The following TMCO1 variants were observed in gnomAD, a reference collection of about 807,000 sequenced individuals.
TMCO1 encodes the protein calcium load-activated calcium channel.
A neutral mutation model predicts 29.3 loss-of-function variants in TMCO1; 29 were observed. The observed-to-expected ratio is 0.99, with a 90% CI of 0.74 to 1.35. TMCO1 has a LOEUF of 1.35. TMCO1 is among the 40% of genes most tolerant of loss of function. The pLI is 0.00. For missense variants in TMCO1, 173 were observed against 225.5 expected, an observed-to-expected ratio of 0.77 and a Z score of 1.49; for synonymous variants, 80 against 77.1, an observed-to-expected ratio of 1.04 and a Z score of -0.20.
downstream of TMCO1, chr1:165,725,020 CTCTCTA>C (rs1471344223): frequency 2.3e-3 from 272 of 119,558 alleles, no homozygotes; most frequent in African/African-American, 0.013. Context: ...CTCTCTCTCT[CTCTCTA>C]TATATATATA....
rs532171637 is a variant in TMCO1, at chr1:165,745,960, A to G, written c.324-2649T>C. Reference sequence around the variant, plus strand: ...ATTGTTTGCCAGTGTTCTGAATAAGAAAGTTGCTGAAAATAATATACATAA... The same window carrying G: ...ATTGTTTGCCAGTGTTCTGAATAAGGAAGTTGCTGAAAATAATATACATAA... On this transcript the variant is annotated intron_variant, in intron 5 of 6. Coordinates refer to ENST00000367881, the MANE Select transcript of TMCO1 (RefSeq NM_019026.6). Among the ~76,000 whole-genome samples the G allele has an allele frequency of 1.1e-4, 17 of 152,278 alleles. No individual in the cohort carries two copies. In the East Asian group the frequency reaches 1.9e-3, roughly 17 times the overall value.
chr1:165,750,451 G>A (rs1651952187), intron 5 of TMCO1, among the ~76,000 whole-genome samples: 1 of 149,534 alleles, frequency 6.7e-6, no homozygotes, highest in Admixed American at 6.7e-5. Context: ...TGAGGCAGGA[G>A]AATGGCTTCA....
intron 2 of TMCO1, among the ~76,000 whole-genome samples, chr1:165,763,859 T>G (rs1002296241): frequency 1.6e-4 from 24 of 152,316 alleles, no homozygotes; most frequent in Admixed American, 1.5e-3. Flanking sequence ...ACTCCTGAGC[T>G]CAAACAATCT....
intron 5 of TMCO1, among the ~76,000 whole-genome samples, chr1:165,751,429 C>T (rs549472041): frequency 4.6e-5 from 7 of 152,080 alleles, no homozygotes; most frequent in Admixed American, 2.0e-4. Context: ...TCTGGCTGGG[C>T]GTGGTGGCTC....
downstream of TMCO1, chr1:165,726,659 C>G (rs1174926656): frequency 4.4e-6 from 2 of 454,306 alleles, no homozygotes; most frequent in African/African-American, 4.0e-5. Context: ...CCATAAAACA[C>G]TCAAATTTAT....
At chr1:165,753,446 C>G (rs1652071843) in intron 4 of TMCO1, among the ~76,000 whole-genome samples, 1 of 123,312 alleles carries the variant, frequency 8.1e-6, no homozygotes, top group South Asian at 2.8e-4. Context: ...GCACTCCAAC[C>G]TTGGTAATAG....
chr1:165,730,650 A>G (rs1252144603), intron 6 of TMCO1, among the ~76,000 whole-genome samples: 1 of 152,170 alleles, frequency 6.6e-6, no homozygotes, highest in East Asian at 1.9e-4. Context: ...GCTGGAGTGC[A>G]GTGGTGTGAT....
chr1:165,752,553 C>T (rs1441804756), intron 4 of TMCO1, among the ~76,000 whole-genome samples: 2 of 151,852 alleles, frequency 1.3e-5, no homozygotes, highest in African/African-American at 4.8e-5. Flanking sequence ...TTGCGCCCAG[C>T]CTCACGTCAT....
At chr1:165,739,792 A>G (rs1398904509) in intron 6 of TMCO1, among the ~76,000 whole-genome samples, 1 of 152,126 alleles carries the variant, frequency 6.6e-6, no homozygotes, top group African/African-American at 2.4e-5. Flanking sequence ...CATCACAAGT[A>G]AAGTAACAAA....
chr1:165,737,054 C>T (rs1309654421), intron 6 of TMCO1, among the ~76,000 whole-genome samples: 2 of 152,192 alleles, frequency 1.3e-5, no homozygotes, highest in Non-Finnish European at 2.9e-5. Flanking sequence ...GTCTTGAACT[C>T]CTGCCTCAGC....
intron 2 of TMCO1, among the ~76,000 whole-genome samples, chr1:165,761,101 T>C (rs537869901): frequency 4.0e-4 from 61 of 152,292 alleles, no homozygotes; most frequent in African/African-American, 1.4e-3. Flanking sequence ...AATTGTAAAA[T>C]TCAACTTGAC....
chr1:165,728,253 A>T, intron 6 of TMCO1, 132 bp from the exon 7 acceptor site: 1 of 621,184 alleles, frequency 1.6e-6, no homozygotes, highest in Non-Finnish European at 2.9e-6. Flanking sequence ...CAATAGGATG[A>T]TTATCACTTT....
intron 3 of TMCO1, among the ~76,000 whole-genome samples, chr1:165,756,200 A>G (rs1477061466): frequency 6.6e-6 from 1 of 152,218 alleles, no homozygotes; most frequent in Non-Finnish European, 1.5e-5. Flanking sequence ...CATTATGAAA[A>G]TACTGAGATA....
At chr1:165,767,874 A>G (rs917384340) in intron 2 of TMCO1, among the ~76,000 whole-genome samples, 1 of 152,072 alleles carries the variant, frequency 6.6e-6, no homozygotes, top group African/African-American at 2.4e-5. Flanking sequence ...AGGTCTCCCT[A>G]TGTTGCCCAG....
At chr1:165,753,152 C>A (rs1175985849) in intron 4 of TMCO1, among the ~76,000 whole-genome samples, 1 of 151,982 alleles carries the variant, frequency 6.6e-6, no homozygotes, top group African/African-American at 2.4e-5. Flanking sequence ...TCATGGTATG[C>A]CAGATACTGA....
downstream of TMCO1, chr1:165,724,526 G>T (rs1336736033): frequency 2.2e-6 from 1 of 454,078 alleles, no homozygotes. Context: ...CATCACCTGG[G>T]AATTTGTTAG....
chr1:165,765,649 G>A (rs1230707785), intron 2 of TMCO1, among the ~76,000 whole-genome samples: 4 of 152,208 alleles, frequency 2.6e-5, no homozygotes, highest in African/African-American at 9.6e-5. Flanking sequence ...TTTGAAGAAG[G>A]TAATAGGATT....
At chr1:165,732,495 C>T (rs933389065) in intron 6 of TMCO1, among the ~76,000 whole-genome samples, 16 of 144,830 alleles carry the variant, frequency 1.1e-4, no homozygotes, top group Admixed American at 1.4e-4. Context: ...CTCTCTCTCT[C>T]TCTCTCTCTC....
intron 5 of TMCO1, among the ~76,000 whole-genome samples, chr1:165,744,194 GAGA>G (rs1198496233): frequency 1.3e-5 from 2 of 152,164 alleles, no homozygotes; most frequent in African/African-American, 4.8e-5. Flanking sequence ...AAACTGGGAA[GAGA>G]AGAAGGAAGG....
Sources: allele counts gnomAD v4.1 joint callset (sites outside exome capture counted in the v4.1 genomes callset), GRCh38; gene constraint gnomAD v4.1.1; transcripts MANE v1.5; gene names NCBI Gene and HGNC (gene_info 2026-07-23, HGNC 2026-07-21).